The following TNR variants were observed in gnomAD, a reference collection of about 807,000 sequenced individuals.
TNR encodes tenascin R, also known as tenascin-R.
In TNR, 45 loss-of-function variants were observed where a neutral mutation model predicts 150.4. The observed-to-expected ratio is 0.30, with a 90% CI of 0.24 to 0.38. The LOEUF (loss-of-function observed/expected upper bound fraction) is 0.38, where lower values mean the gene tolerates loss of function less well. Among genes scored for constraint, TNR ranks in the 10% least tolerant of loss-of-function variants. The pLI, the probability that TNR is intolerant of heterozygous loss-of-function variation, is 1.00. For missense variants in TNR, 1,544 were observed against 1,759.1 expected (o/e 0.88, Z 2.19); for synonymous variants, 687 against 678.4 (o/e 1.01, Z -0.20).
chr1:175,367,307 G>T lies in TNR; in HGVS notation c.1964-10C>A. On this transcript the variant is annotated splice_polypyrimidine_tract_variant and intron_variant, in intron 9 of 22. Coordinates refer to ENST00000367674, the MANE Select transcript of TNR (RefSeq NM_003285.3). ...GTGCCAGGTACCAGATCTATCAGTG[G>T]ATGGAGAAACAAACATTATTCTGTG... The T allele has an allele frequency of 6.2e-7, 1 of 1,612,784 alleles. No homozygotes were observed.
rs140995608 is a variant in TNR, at chr1:175,461,044, G to T, written c.-63-54267C>A. On this transcript the variant is annotated intron_variant, in intron 2 of 22. Coordinates refer to ENST00000367674, the MANE Select transcript of TNR (RefSeq NM_003285.3). ...GAAGCCAGAAGGGCATTCCCAGTGG[G>T]AGAGGGCTTCTGCTATTCAGCTTGT... 7.2e-5 allele frequency among the ~76,000 whole-genome samples: 11 copies of T among 152,362 alleles called. No individual in the cohort carries two copies. The East Asian group carries it at 2.1e-3, about 29-fold the overall frequency.
chr1:175,669,520 T>G (rs1476608383), intron 1 of TNR, among the ~76,000 whole-genome samples: 3 of 152,164 alleles, frequency 2.0e-5, no homozygotes, highest in Non-Finnish European at 4.4e-5. Context: ...TTAATCATAT[T>G]TTAGTAAATC....
intron 2 of TNR, among the ~76,000 whole-genome samples, chr1:175,461,672 G>C (rs12119698): frequency 0.53 from 81,004 of 152,040 alleles, 21,973 homozygotes; most frequent in East Asian, 0.65. Context: ...GGTGTTTACT[G>C]CTTCTGCTCA....
rs1319073589 is a variant in TNR, at chr1:175,396,617, G to A, written c.1167C>T (p.Leu389=). ...CAGCGTAGACGCTGATGTTGTAGGTGAGACCTGGCTCCAGCTCCGTGATGG... is the reference window on the plus strand; with the variant it reads ...CAGCGTAGACGCTGATGTTGTAGGTAAGACCTGGCTCCAGCTCCGTGATGG... ...GVTITELEPG[L]TYNISVYAVI... Residue 389 remains leucine, a synonymous_variant, in exon 5 of 23, where the codon CTC becomes CTT. Transcript: ENST00000367674. 5 of 1,614,134 alleles carry A rather than the reference G, an allele frequency of 3.1e-6. No individual in the cohort carries two copies. Among genetic ancestry groups the A allele is most frequent in the Non-Finnish European group, 4.2e-6 (5 of 1,180,052 alleles).
intron 2 of TNR, among the ~76,000 whole-genome samples, chr1:175,409,246 T>C (rs1654098520): frequency 6.6e-6 from 1 of 152,228 alleles, no homozygotes; most frequent in Non-Finnish European, 1.5e-5. Context: ...CATGTGGATA[T>C]TGCTAAATAA....
chr1:175,331,797 G>A (rs573429755), intron 20 of TNR, among the ~76,000 whole-genome samples: 1 of 152,184 alleles, frequency 6.6e-6, no homozygotes, highest in Non-Finnish European at 1.5e-5. Flanking sequence ...AGAGACTGAA[G>A]GGAATTTAGT....
At chr1:175,702,694 C>A (rs1212770989) in intron 1 of TNR, among the ~76,000 whole-genome samples, 1 of 152,198 alleles carries the variant, frequency 6.6e-6, no homozygotes, top group Non-Finnish European at 1.5e-5. Context: ...GCAGTGTCTG[C>A]ACTACAGTGA....
chr1:175,508,467 T>C (rs183057009), intron 2 of TNR, among the ~76,000 whole-genome samples: 8 of 152,258 alleles, frequency 5.3e-5, no homozygotes, highest in African/African-American at 1.9e-4. Context: ...ACAATTAGAA[T>C]ATGGCAGAAG....
chr1:175,404,630 A>G (rs1258863935), intron 3 of TNR, among the ~76,000 whole-genome samples: 1 of 152,176 alleles, frequency 6.6e-6, no homozygotes, highest in Non-Finnish European at 1.5e-5. Context: ...GCCCCCATGA[A>G]AATATACTTT....
intron 4 of TNR, among the ~76,000 whole-genome samples, chr1:175,400,506 A>AT (rs899958141): frequency 1.3e-5 from 2 of 152,124 alleles, no homozygotes; most frequent in African/African-American, 4.8e-5. Context: ...AAGTCTTGAG[A>AT]TTTTGTCCCT....
At chr1:175,635,878 A>C (rs1314208074) in intron 1 of TNR, among the ~76,000 whole-genome samples, 3 of 152,124 alleles carry the variant, frequency 2.0e-5, no homozygotes. Flanking sequence ...CTTTAGAAAT[A>C]TGAAAATCCA....
intron 1 of TNR, among the ~76,000 whole-genome samples, chr1:175,568,795 A>G (rs1661749302): frequency 6.6e-6 from 1 of 152,132 alleles, no homozygotes; most frequent in African/African-American, 2.4e-5. Flanking sequence ...AGGAAGCCAT[A>G]ATGGCTTCCA....
chr1:175,540,947 C>T (rs1660478497), intron 1 of TNR, among the ~76,000 whole-genome samples: 1 of 152,062 alleles, frequency 6.6e-6, no homozygotes, highest in African/African-American at 2.4e-5. Context: ...ATTTCCCCAA[C>T]CTCCTTTCTC....
chr1:175,497,701 C>T (rs867054981), intron 2 of TNR, among the ~76,000 whole-genome samples: 3 of 152,178 alleles, frequency 2.0e-5, no homozygotes, highest in Non-Finnish European at 2.9e-5. Flanking sequence ...CCTAGGCCCT[C>T]ATCGGTACCA....
intron 1 of TNR, among the ~76,000 whole-genome samples, chr1:175,611,906 T>C (rs916227336): frequency 6.6e-6 from 1 of 152,186 alleles, no homozygotes; most frequent in African/African-American, 2.4e-5. Flanking sequence ...GTAGACCGAA[T>C]GTAAATCAAT....
intron 2 of TNR, among the ~76,000 whole-genome samples, chr1:175,438,533 A>T (rs1433949074): frequency 1.3e-5 from 2 of 152,134 alleles, no homozygotes; most frequent in Non-Finnish European, 1.5e-5. Flanking sequence ...GGCCAGGGCA[A>T]TCAGGCAGGA....
chr1:175,569,312 T>C (rs1401505800), intron 1 of TNR, among the ~76,000 whole-genome samples: 1 of 152,180 alleles, frequency 6.6e-6, no homozygotes, highest in Non-Finnish European at 1.5e-5. Context: ...CCCCACCCCT[T>C]CAGTCTGACC....
At chr1:175,392,644 T>A (rs1296289731) in intron 6 of TNR, among the ~76,000 whole-genome samples, 2 of 152,212 alleles carry the variant, frequency 1.3e-5, no homozygotes, top group Non-Finnish European at 2.9e-5. Context: ...TTTGTATAGA[T>A]GTCTGTTTAG....
chr1:175,441,965 G>T (rs927193571), intron 2 of TNR, among the ~76,000 whole-genome samples: 4 of 152,168 alleles, frequency 2.6e-5, no homozygotes, highest in African/African-American at 9.6e-5. Flanking sequence ...GACATATTTT[G>T]CATTTGGAAG....
Sources: gnomAD v4.1 joint callset for allele counts (sites outside exome capture counted in the v4.1 genomes callset) on GRCh38, gnomAD v4.1.1 for gene constraint, MANE v1.5 for transcripts, NCBI Gene and HGNC (gene_info 2026-07-23, HGNC 2026-07-21) for gene names.